CDH4: variants seen among roughly 807,000 people sequenced by gnomAD.
CDH4 encodes cadherin-4.
In CDH4, 33 loss-of-function variants were observed where a neutral mutation model predicts 86.0. The ratio of observed to expected loss-of-function variants is 0.38; its 90% CI spans 0.29 to 0.51. The LOEUF (loss-of-function observed/expected upper bound fraction) is 0.51. CDH4 is among the 20% of genes least tolerant of loss of function. The probability of loss-of-function intolerance (pLI) is 0.86; values close to 1 mark genes in which losing one functional copy is unlikely to be tolerated. For synonymous variants in CDH4, 555 were observed against 549.4 expected, an observed-to-expected ratio of 1.01 and a Z score of -0.14; for missense variants, 1,114 against 1,307.4, an observed-to-expected ratio of 0.85 and a Z score of 2.28.
chr20:61,786,265 C>A (rs1157455861), intron 4 of CDH4, among the ~76,000 whole-genome samples: 1 of 152,090 alleles, frequency 6.6e-6, no homozygotes, highest in African/African-American at 2.4e-5. Flanking sequence ...GCAGGAGGGG[C>A]GGCTACACAT....
chr20:61,342,333 C>T (rs145460937), intron 2 of CDH4, among the ~76,000 whole-genome samples: 3 of 152,202 alleles, frequency 2.0e-5, no homozygotes, highest in African/African-American at 7.2e-5. Flanking sequence ...CTCACCATGA[C>T]GTACAGTCAG....
chr20:61,585,590 C>T (rs947910040), intron 2 of CDH4, among the ~76,000 whole-genome samples: 15 of 152,140 alleles, frequency 9.9e-5, no homozygotes, highest in African/African-American at 3.1e-4. Context: ...TGGATACTCC[C>T]GAACTTGGTG....
chr20:61,400,538 C>A lies in CDH4; in HGVS notation c.169+145601C>A, dbSNP rs536644503. The stretch of plus-strand genomic sequence containing the variant: ...TACTGTCAAAGGTTTATTTCTTGCT[C>A]ATTCTGTATGTTCCCATGAATCTGT... On this transcript the variant is annotated intron_variant, in intron 2 of 15. Transcript: ENST00000614565. 3.9e-5 allele frequency among the ~76,000 whole-genome samples: 6 copies of A among 152,306 alleles called. No individual in the cohort carries two copies. The South Asian group carries it at 1.2e-3, about 32-fold the overall frequency.
At position 61,565,193 on chromosome 20, in the gene CDH4, T is replaced by TTGG. The variant is rs1415710228; in HGVS notation, c.170-178362_170-178360dup. Among the ~76,000 whole-genome samples, 205 of 83,510 alleles carry TTGG rather than the reference T, an allele frequency of 2.5e-3. 14 individuals carry two copies. Among genetic ancestry groups the TTGG allele is most frequent in the Admixed American group, 8.5e-3 (75 of 8,778 alleles). The allele number at this position is 83,510 out of a possible 152,430, so 54.8% of individuals were successfully genotyped here. On this transcript the variant is annotated intron_variant, in intron 2 of 15. Coordinates refer to ENST00000614565, the MANE Select transcript of CDH4 (RefSeq NM_001794.5). ...TGGGGTGGTGGTGGTGGTGGTCCTCTTGGTGGTGGTCGCGGTGCTCTCGGT... is the reference window on the plus strand; with the variant it reads ...TGGGGTGGTGGTGGTGGTGGTCCTCTTGGTGGTGGTGGTCGCGGTGCTCTCGGT...
chr20:61,317,609 G>A (rs1372233390), intron 2 of CDH4, among the ~76,000 whole-genome samples: 1 of 152,132 alleles, frequency 6.6e-6, no homozygotes, highest in Non-Finnish European at 1.5e-5. Context: ...GGCGTCCTGT[G>A]CACTGTATGG....
chr20:61,768,244 G>C (rs1022564510), intron 3 of CDH4, among the ~76,000 whole-genome samples: 1 of 152,194 alleles, frequency 6.6e-6, no homozygotes, highest in Middle Eastern at 3.2e-3. Flanking sequence ...CTGTGCATGT[G>C]TAGAATGCAT....
chr20:61,817,612 G>A (rs150426613), intron 4 of CDH4, among the ~76,000 whole-genome samples: 2 of 151,976 alleles, frequency 1.3e-5, no homozygotes, highest in Non-Finnish European at 2.9e-5. Context: ...ACCTTCCCAC[G>A]TGTGCTTTCT....
chr20:61,501,723 C>G lies in CDH4; in HGVS notation c.170-241840C>G, dbSNP rs2085702642. Among the ~76,000 whole-genome samples the G allele has an allele frequency of 6.6e-6, 1 of 152,150 alleles. No homozygotes were observed. Among genetic ancestry groups the G allele is most frequent in the African/African-American group, 2.4e-5 (1 of 41,428 alleles). On this transcript the variant is annotated intron_variant, in intron 2 of 15. Coordinates refer to ENST00000614565, the MANE Select transcript of CDH4 (RefSeq NM_001794.5). The surrounding 1 kb of genome is among the most constrained non-coding windows in gnomAD (Gnocchi z 4.2). ...GGAATACTAGCTATCTTCACAAGCA[C>G]CACCCCGCCACTGCCTCCACCATTC...
intron 2 of CDH4, among the ~76,000 whole-genome samples, chr20:61,688,859 G>A (rs772209327): frequency 6.6e-6 from 1 of 152,232 alleles, no homozygotes; most frequent in African/African-American, 2.4e-5. Flanking sequence ...CAGGGGAAAC[G>A]TCCCTGTCAT....
intron 3 of CDH4, among the ~76,000 whole-genome samples, chr20:61,772,091 A>T (rs184014803): frequency 6.6e-6 from 1 of 152,280 alleles, no homozygotes; most frequent in East Asian, 1.9e-4. Flanking sequence ...GCATTTTCTC[A>T]TTGTCATCTG....
At chr20:61,857,501 A>G (rs1418908554) in intron 6 of CDH4, among the ~76,000 whole-genome samples, 1 of 151,852 alleles carries the variant, frequency 6.6e-6, no homozygotes, top group Non-Finnish European at 1.5e-5. Context: ...AGGGCCGAGG[A>G]TTTTTGCCCA....
chr20:61,282,709 G>C (rs992358248), intron 2 of CDH4, among the ~76,000 whole-genome samples: 3 of 152,226 alleles, frequency 2.0e-5, no homozygotes, highest in African/African-American at 4.8e-5. Flanking sequence ...ATGTGCATGT[G>C]AGTTGGTGTG....
intron 2 of CDH4, among the ~76,000 whole-genome samples, chr20:61,341,729 G>A (rs61214721): frequency 6.6e-6 from 1 of 152,160 alleles, no homozygotes; most frequent in Non-Finnish European, 1.5e-5. Flanking sequence ...GTGATTGGCA[G>A]AAGGTCTCAT....
intron 4 of CDH4, among the ~76,000 whole-genome samples, chr20:61,826,184 G>A (rs1224748267): frequency 6.6e-6 from 1 of 152,204 alleles, no homozygotes; most frequent in Non-Finnish European, 1.5e-5. Context: ...TCGTGGGGGT[G>A]GAAGTCAGAG....
At chr20:61,820,592 G>A (rs1459972177) in intron 4 of CDH4, among the ~76,000 whole-genome samples, 1 of 152,228 alleles carries the variant, frequency 6.6e-6, no homozygotes, top group Non-Finnish European at 1.5e-5. Context: ...GAGGCGGAGG[G>A]GGCAGGTGGA....
rs1024553500 is a variant in CDH4, at chr20:61,910,410, T to C, written c.1189-12T>C. On this transcript the variant is annotated splice_polypyrimidine_tract_variant and intron_variant, in intron 8 of 15. Transcript: ENST00000614565. ...ACACGGGTTTGTGACATTCTTTCCT[T>C]CCATTTTGCAGTTTGCAGGGGAGGT... The C allele has an allele frequency of 4.3e-6, 7 of 1,609,832 alleles. No homozygotes were observed. The African/African-American group carries it at 9.3e-5, about 21-fold the overall frequency.
In CDH4 at chr20:61,560,973, C is replaced by A. The variant is rs567967963; in HGVS notation, c.170-182590C>A. Among the ~76,000 whole-genome samples, 778 of 152,310 alleles carry A rather than the reference C, an allele frequency of 5.1e-3. 4 individuals carry two copies. The highest frequency in any genetic ancestry group is 6.6e-3 in the Non-Finnish European group (450 of 68,028). ...CGTTTATACCCAGATGAGCAGATGA[C>A]CAGGCAGGGGATGCAGTTTTGTGAT... On this transcript the variant is annotated intron_variant, in intron 2 of 15. Transcript: ENST00000614565.
At chr20:61,432,255 G>A (rs2085251514) in intron 2 of CDH4, among the ~76,000 whole-genome samples, 1 of 152,182 alleles carries the variant, frequency 6.6e-6, no homozygotes. Context: ...CTCACAAACA[G>A]TGTGTGTGGC....
chr20:61,680,584 C>T (rs1184912628), intron 2 of CDH4, among the ~76,000 whole-genome samples: 2 of 152,172 alleles, frequency 1.3e-5, no homozygotes, highest in Non-Finnish European at 2.9e-5. Context: ...CGGGGAGAAA[C>T]ACAAAGAGCC....
Sources: gnomAD v4.1 joint callset for allele counts (sites outside exome capture counted in the v4.1 genomes callset) on GRCh38, gnomAD v4.1.1 for gene constraint, Gnocchi (gnomAD v3.1) non-coding constraint, MANE v1.5 for transcripts, NCBI Gene and HGNC (gene_info 2026-07-23, HGNC 2026-07-21) for gene names.